Variants in GLT1D1 observed in about 807,000 individuals in gnomAD.
GLT1D1 encodes glycosyltransferase 1 domain containing 1.
Under a neutral mutation model 28.7 loss-of-function variants are expected in GLT1D1, and 21 were observed. That is an observed-to-expected ratio of 0.73 (90% CI 0.52 to 1.05). The LOEUF (loss-of-function observed/expected upper bound fraction) is 1.05. Ranked by LOEUF, GLT1D1 falls within the 50% of genes least tolerant of loss-of-function variation. GLT1D1 has a pLI of 0.00. For synonymous variants in GLT1D1, 147 were observed against 124.8 expected, an observed-to-expected ratio of 1.18 and a Z score of -1.19; for missense variants, 343 against 330.6, an observed-to-expected ratio of 1.04 and a Z score of -0.29.
In GLT1D1 at chr12:128,901,588, C is replaced by G. The variant is rs372736666; in HGVS notation, c.375+2301C>G. ...AGTAGCTGGGACTACAGGCGCCCAC[C>G]ACAACGCCCTGCTAATTTTTGCATT... On this transcript the variant is annotated intron_variant, in intron 4 of 7. Transcript: ENST00000281703. 1.7e-4 allele frequency among the ~76,000 whole-genome samples: 26 copies of G among 152,014 alleles called. No individual in the cohort carries two copies. In the East Asian group the frequency reaches 3.7e-3, roughly 22 times the overall value.
intron 4 of GLT1D1, among the ~76,000 whole-genome samples, chr12:128,925,008 T>G (rs1873046254): frequency 6.6e-6 from 1 of 151,818 alleles, no homozygotes; most frequent in Admixed American, 6.6e-5. Context: ...CAATGCTGCT[T>G]CTTTCTTTTC....
chr12:128,945,938 A>C (rs1440935741), intron 5 of GLT1D1, among the ~76,000 whole-genome samples: 1 of 152,194 alleles, frequency 6.6e-6, no homozygotes, highest in African/African-American at 2.4e-5. Flanking sequence ...GGTGATGGGA[A>C]TGAGCAGACC....
At chr12:128,949,640 AG>A (rs919083264) in intron 6 of GLT1D1, among the ~76,000 whole-genome samples, 1 of 152,198 alleles carries the variant, frequency 6.6e-6, no homozygotes, top group African/African-American at 2.4e-5. Flanking sequence ...ACAACTAATC[AG>A]TTGTTTCCAC....
chr12:128,953,839 G>T (rs575738922), intron 6 of GLT1D1, among the ~76,000 whole-genome samples: 1 of 149,766 alleles, frequency 6.7e-6, no homozygotes, highest in South Asian at 2.1e-4. Context: ...TCCGCCTCCC[G>T]GGATCAAGCG....
intron 7 of GLT1D1, among the ~76,000 whole-genome samples, chr12:128,971,897 G>A (rs1016485918): frequency 8.8e-5 from 11 of 124,568 alleles, no homozygotes; most frequent in Admixed American, 7.0e-4. Context: ...CTTTCTGTGC[G>A]CCATTGACCT....
chr12:128,948,139 C>T (rs967433118), intron 6 of GLT1D1, among the ~76,000 whole-genome samples: 3 of 152,178 alleles, frequency 2.0e-5, no homozygotes, highest in Non-Finnish European at 4.4e-5. Context: ...GTCCCCTCTT[C>T]TGTAAAAGAT....
At chr12:128,895,576 C>A (rs1593096793) in intron 3 of GLT1D1, among the ~76,000 whole-genome samples, 2 of 151,884 alleles carry the variant, frequency 1.3e-5, no homozygotes, top group African/African-American at 4.8e-5. Context: ...CCTGCCTCAG[C>A]CTTCTGAGTA....
chr12:128,888,426 A>G (rs183392204), intron 2 of GLT1D1, among the ~76,000 whole-genome samples: 1 of 152,314 alleles, frequency 6.6e-6, no homozygotes, highest in Non-Finnish European at 1.5e-5. Context: ...CCCTGACGAC[A>G]GTGGTTGGGG....
In GLT1D1 at chr12:128,983,175, A is replaced by C. The variant is rs1464280809; in HGVS notation, c.*85A>C. On this transcript the variant is annotated 3_prime_UTR_variant, in exon 8 of 8. Coordinates refer to ENST00000281703, the MANE Select transcript of GLT1D1 (RefSeq NM_144669.3). This position sits in a 1 kb window ranked among gnomAD's most constrained non-coding sequence, Gnocchi z 4.7. ...ACAGAGTTCTGGATCACGTGGGCCC[A>C]GTGCAGTTCAAATAAAACCAGCCTC... 2 of 1,255,196 alleles carry C rather than the reference A, an allele frequency of 1.6e-6. No homozygotes were observed. The highest frequency in any genetic ancestry group is 1.1e-6 in the Non-Finnish European group (1 of 887,162). 77.8% of individuals were successfully genotyped at this position (1,255,196 alleles called of 1,614,324 possible).
At chr12:128,973,179 G>GT (rs61169176) in intron 7 of GLT1D1, among the ~76,000 whole-genome samples, 1,085 of 50,982 alleles carry the variant, frequency 0.021, 269 homozygotes, top group African/African-American at 0.047. Context: ...TGTTTGCTTG[G>GT]TTTTTTTTTT....
intron 4 of GLT1D1, among the ~76,000 whole-genome samples, chr12:128,933,445 C>CT (rs1874171560): frequency 1.3e-5 from 2 of 152,376 alleles, no homozygotes; most frequent in South Asian, 4.1e-4. Context: ...CCGGGCTGCC[C>CT]TTTGGGATGA....
At chr12:128,916,974 G>A (rs1872166912) in intron 4 of GLT1D1, among the ~76,000 whole-genome samples, 1 of 152,090 alleles carries the variant, frequency 6.6e-6, no homozygotes, top group Non-Finnish European at 1.5e-5. Context: ...AAGTTTTAGT[G>A]CTGTAGCTCT....
chr12:128,960,796 C>T (rs1329436636), intron 7 of GLT1D1, among the ~76,000 whole-genome samples: 3 of 151,394 alleles, frequency 2.0e-5, no homozygotes, highest in Non-Finnish European at 2.9e-5. Context: ...TTTCAATATG[C>T]GTTAGAACCA....
chr12:128,893,956 G>A (rs1454333273), intron 3 of GLT1D1, among the ~76,000 whole-genome samples: 2 of 152,048 alleles, frequency 1.3e-5, no homozygotes, highest in Admixed American at 6.5e-5. Flanking sequence ...TCTCCTGAAG[G>A]GCCCATTGTC....
intron 2 of GLT1D1, among the ~76,000 whole-genome samples, chr12:128,879,476 G>T (rs1333845708): frequency 9.2e-6 from 1 of 109,042 alleles, no homozygotes; most frequent in African/African-American, 3.8e-5. Context: ...TGGGGGGGTG[G>T]GCAGAGTCTC....
intron 7 of GLT1D1, 84 bp from the exon 12 acceptor site, chr12:128,982,845 C>A: frequency 1.5e-6 from 2 of 1,291,270 alleles, no homozygotes; most frequent in Non-Finnish European, 2.2e-6. Flanking sequence ...GGCCAGCAGC[C>A]AATGCAGACA....
chr12:128,881,397 G>A lies in GLT1D1; in HGVS notation c.217+5335G>A, dbSNP rs751465107. ...AATACAAAAAAAATTAGCTGACCAT[G>A]GTGGCGAGTGCCTGTAATCCCAGCT... is the stretch of plus-strand genomic sequence containing the variant. On this transcript the variant is annotated intron_variant, in intron 2 of 7. Coordinates refer to ENST00000281703, the MANE Select transcript of GLT1D1 (RefSeq NM_144669.3). 1.7e-4 allele frequency among the ~76,000 whole-genome samples: 25 copies of A among 148,538 alleles called. No individual in the cohort carries two copies. The Middle Eastern group carries it at 0.01, about 62-fold the overall frequency.
chr12:128,878,484 C>G (rs1291366749), intron 2 of GLT1D1, among the ~76,000 whole-genome samples: 1 of 152,186 alleles, frequency 6.6e-6, no homozygotes, highest in African/African-American at 2.4e-5. Context: ...ATTTGTGCTT[C>G]CATATTTTTG....
intron 1 of GLT1D1, among the ~76,000 whole-genome samples, chr12:128,858,664 C>CA (rs1480204258): frequency 6.9e-6 from 1 of 145,842 alleles, no homozygotes; most frequent in Non-Finnish European, 1.5e-5. Flanking sequence ...GAGGGGGACT[C>CA]AGTCTCAAAA....
Sources: allele counts gnomAD v4.1 joint callset (sites outside exome capture counted in the v4.1 genomes callset), GRCh38; gene constraint gnomAD v4.1.1; non-coding constraint Gnocchi (gnomAD v3.1); transcripts MANE v1.5; gene names NCBI Gene and HGNC (gene_info 2026-07-23, HGNC 2026-07-21).